The following ZNF704 variants were observed in gnomAD, a reference collection of about 807,000 sequenced individuals.
The protein encoded by ZNF704 is glucocorticoid induced gene 1.
ZNF704 carries 10 observed loss-of-function variants against 44.7 expected under a neutral mutation model. The ratio of observed to expected loss-of-function variants is 0.22; its 90% confidence interval spans 0.14 to 0.38. The LOEUF is 0.38. ZNF704 is among the 10% of genes least tolerant of loss of function. The pLI, the probability that ZNF704 is intolerant of heterozygous loss-of-function variation, is 1.00. For synonymous variants in ZNF704, 211 were observed against 207.6 expected (o/e 1.02, Z -0.14); for missense variants, 390 against 545.5 (o/e 0.71, Z 2.84).
intron 2 of ZNF704, among the ~76,000 whole-genome samples, chr8:80,747,269 G>A (rs573546852): frequency 2.0e-5 from 3 of 151,958 alleles, no homozygotes; most frequent in South Asian, 2.1e-4. Context: ...AAATAACCAC[G>A]AATCTTGCTA....
chr8:80,868,277 A>C (rs898392228), intron 1 of ZNF704, among the ~76,000 whole-genome samples: 1 of 152,184 alleles, frequency 6.6e-6, no homozygotes, highest in Non-Finnish European at 1.5e-5. Flanking sequence ...TAAATGCTTA[A>C]GCTTCTTTTG....
In ZNF704 at chr8:80,750,048, C is replaced by G. The variant is rs576327692; in HGVS notation, c.222-56941G>C. ...CTGTGTCCTGGAAGCTTCTAGTTAA[C>G]TATCCCTTAGGCTAATCAAGAACTC... On this transcript the variant is annotated intron_variant, in intron 2 of 8. Transcript: ENST00000327835. 5.9e-5 allele frequency among the ~76,000 whole-genome samples: 9 copies of G among 152,270 alleles called. No individual in the cohort carries two copies. The South Asian group carries it at 1.9e-3, about 32-fold the overall frequency.
At chr8:80,866,724 G>T (rs780351925) in intron 1 of ZNF704, among the ~76,000 whole-genome samples, 32 of 152,200 alleles carry the variant, frequency 2.1e-4, no homozygotes, top group Non-Finnish European at 3.4e-4. Context: ...GCGGGGTTGG[G>T]GGGGGGATAC....
chr8:80,816,804 G>GA (rs1808183816), intron 2 of ZNF704, among the ~76,000 whole-genome samples: 1 of 152,150 alleles, frequency 6.6e-6, no homozygotes, highest in African/African-American at 2.4e-5. Flanking sequence ...CTCTCCTGAG[G>GA]AAAGTTGAAT....
At chr8:80,730,933 C>T (rs1461995409) in intron 2 of ZNF704, among the ~76,000 whole-genome samples, 6 of 152,084 alleles carry the variant, frequency 3.9e-5, no homozygotes, top group African/African-American at 7.2e-5. Flanking sequence ...ATAACTGAAA[C>T]CAACTTTTTA....
At chr8:80,806,778 G>A (rs1807997504) in intron 2 of ZNF704, among the ~76,000 whole-genome samples, 1 of 152,148 alleles carries the variant, frequency 6.6e-6, no homozygotes, top group South Asian at 2.1e-4. Context: ...ATTCTGACTA[G>A]GACTGGTTAA....
At chr8:80,794,498 T>C (rs756705658) in intron 2 of ZNF704, among the ~76,000 whole-genome samples, 4 of 152,172 alleles carry the variant, frequency 2.6e-5, no homozygotes, top group Non-Finnish European at 5.9e-5. Flanking sequence ...AATATAAAAA[T>C]ACTCTTCATG....
intron 2 of ZNF704, among the ~76,000 whole-genome samples, chr8:80,719,501 T>A (rs1014722349): frequency 1.3e-5 from 2 of 152,072 alleles, no homozygotes. Context: ...AATGGCAGGG[T>A]GGCCCTTTTC....
intron 5 of ZNF704, among the ~76,000 whole-genome samples, chr8:80,668,494 GGAA>G (rs1287183430): frequency 6.6e-6 from 1 of 152,144 alleles, no homozygotes; most frequent in African/African-American, 2.4e-5. Flanking sequence ...CCAGAGAGTG[GGAA>G]GAAGAACGAG....
At chr8:80,685,181 A>G (rs1007977387) in intron 4 of ZNF704, among the ~76,000 whole-genome samples, 85 of 152,152 alleles carry the variant, frequency 5.6e-4, no homozygotes, top group African/African-American at 2.0e-3. Flanking sequence ...TAAAAAAGGA[A>G]GCTTTTTTCC....
intron 1 of ZNF704, among the ~76,000 whole-genome samples, chr8:80,856,134 T>A (rs940199936): frequency 6.6e-6 from 1 of 152,152 alleles, no homozygotes; most frequent in Non-Finnish European, 1.5e-5. Flanking sequence ...ATTCTTTGTA[T>A]TTTTTGTAGA....
At chr8:80,752,487 G>A (rs1038117836) in intron 2 of ZNF704, among the ~76,000 whole-genome samples, 11 of 151,692 alleles carry the variant, frequency 7.3e-5, no homozygotes, top group Admixed American at 4.6e-4. Flanking sequence ...GAGGTTTTGA[G>A]CCAAGCTCTT....
In ZNF704 at chr8:80,835,624, C is replaced by G. The variant is rs73262600; in HGVS notation, c.-21-14009G>C. On this transcript the variant is annotated intron_variant, in intron 1 of 8. Coordinates refer to ENST00000327835, the MANE Select transcript of ZNF704 (RefSeq NM_001033723.3). ...GTAGCTACATGTGGAGATATTTAAT[C>G]TTTATCTGTAGCTATATGCTAAGGA... Among the ~76,000 whole-genome samples, 875 of 152,236 alleles carry G rather than the reference C, an allele frequency of 5.7e-3. 6 individuals are homozygous for G. Among genetic ancestry groups the G allele is most frequent in the African/African-American group, 0.02 (814 of 41,524 alleles).
intron 4 of ZNF704, among the ~76,000 whole-genome samples, chr8:80,671,546 G>GGTTGAATGGT (rs1818278339): frequency 6.6e-6 from 1 of 152,162 alleles, no homozygotes; most frequent in Admixed American, 6.5e-5. Flanking sequence ...ACCAACAGCA[G>GGTTGAATGGT]CTATTACAGG....
chr8:80,688,565 C>A (rs1818579836), intron 3 of ZNF704, among the ~76,000 whole-genome samples: 1 of 152,278 alleles, frequency 6.6e-6, no homozygotes, highest in Admixed American at 6.5e-5. Flanking sequence ...GAGGTTGGAC[C>A]TATTTCTTCA....
chr8:80,703,069 TC>T (rs1818837410), intron 2 of ZNF704, among the ~76,000 whole-genome samples: 1 of 152,044 alleles, frequency 6.6e-6, no homozygotes, highest in Admixed American at 6.6e-5. Flanking sequence ...CCCATTGCCC[TC>T]ACATGAGACT....
chr8:80,726,350 G>C (rs893631894), intron 2 of ZNF704, among the ~76,000 whole-genome samples: 8 of 152,104 alleles, frequency 5.3e-5, no homozygotes, highest in African/African-American at 1.4e-4. Context: ...AAAAATTTAA[G>C]CAATGAGGAA....
chr8:80,705,604 G>A (rs1818883756), intron 2 of ZNF704, among the ~76,000 whole-genome samples: 2 of 151,930 alleles, frequency 1.3e-5, no homozygotes, highest in South Asian at 4.2e-4. Context: ...ATGCATTTGT[G>A]TGTGTGTGTG....
intron 4 of ZNF704, among the ~76,000 whole-genome samples, chr8:80,674,922 G>A (rs1295843429): frequency 6.6e-6 from 1 of 152,190 alleles, no homozygotes; most frequent in African/African-American, 2.4e-5. Flanking sequence ...TATCTGTCTG[G>A]AAATGAAGTC....
Sources: allele counts gnomAD v4.1 joint callset (sites outside exome capture counted in the v4.1 genomes callset), GRCh38; gene constraint gnomAD v4.1.1; transcripts MANE v1.5; gene names NCBI Gene and HGNC (gene_info 2026-07-23, HGNC 2026-07-21).